NDUFA10: variants seen among roughly 807,000 people sequenced by gnomAD.
The protein encoded by NDUFA10 is NADH dehydrogenase [ubiquinone] 1 alpha subcomplex subunit 10, mitochondrial.
A neutral mutation model predicts 47.8 loss-of-function variants in NDUFA10; 40 were observed. That is an observed-to-expected ratio of 0.84 (90% CI 0.65 to 1.09). The LOEUF is 1.09. NDUFA10 is among the 50% of genes least tolerant of loss of function. The pLI is 0.00. For missense variants in NDUFA10, 413 were observed against 451.1 expected, an observed-to-expected ratio of 0.92 and a Z score of 0.76; for synonymous variants, 183 against 172.2, an observed-to-expected ratio of 1.06 and a Z score of -0.49.
Position 239,928,460 on chromosome 2 carries a change from G to C in NDUFA10, c.295-33146C>G, listed in dbSNP as rs971228053. Reference sequence around the variant, plus strand: ...TTGTGATTATTATTCTGTGAAGTCAGTTCCTCATGGCAGGAAATCCCCCGA... The same window carrying C: ...TTGTGATTATTATTCTGTGAAGTCACTTCCTCATGGCAGGAAATCCCCCGA... On this transcript the variant is annotated intron_variant, in intron 4 of 5. Transcript: ENST00000419408. This position sits in a 1 kb window ranked among gnomAD's most constrained non-coding sequence, Gnocchi z 4.3. Among the ~76,000 whole-genome samples, 32 of 152,290 alleles carry C rather than the reference G, an allele frequency of 2.1e-4. No homozygotes were observed. Among genetic ancestry groups the C allele is most frequent in the African/African-American group, 6.0e-4 (25 of 41,564 alleles).
intron 4 of NDUFA10, among the ~76,000 whole-genome samples, chr2:239,914,116 G>C (rs1339401647): frequency 1.3e-5 from 2 of 152,010 alleles, no homozygotes; most frequent in Non-Finnish European, 2.9e-5. Context: ...AACACACACA[G>C]ACACACACAA....
intron 5 of NDUFA10, chr2:240,014,491 G>A (rs1038474073): frequency 8.0e-5 from 42 of 526,854 alleles, no homozygotes; most frequent in Admixed American, 3.2e-4. Flanking sequence ...CAGCTGAGGG[G>A]ACTCGGGGAC....
At chr2:239,898,398 G>A (rs1213474497) in intron 4 of NDUFA10, among the ~76,000 whole-genome samples, 1 of 152,226 alleles carries the variant, frequency 6.6e-6, no homozygotes, top group Non-Finnish European at 1.5e-5. Flanking sequence ...GAGTCAGGAA[G>A]GTGGCCCCGA....
downstream of NDUFA10, chr2:239,957,276 C>G (rs1694679467): frequency 6.6e-6 from 1 of 152,260 alleles, no homozygotes. Context: ...TCAACGTTCA[C>G]TGTAAGAAAA....
intron 4 of NDUFA10, among the ~76,000 whole-genome samples, chr2:239,948,816 C>A (rs1218502664): frequency 6.6e-6 from 1 of 152,226 alleles, no homozygotes; most frequent in Admixed American, 6.5e-5. Context: ...CTTCACCAAG[C>A]CTCGAGCCAT....
At chr2:240,004,202 C>G (rs1275389796) in intron 8 of NDUFA10, among the ~76,000 whole-genome samples, 1 of 152,112 alleles carries the variant, frequency 6.6e-6, no homozygotes, top group Non-Finnish European at 1.5e-5. Flanking sequence ...AGCGGTGCTG[C>G]TTCCAGGGCC....
chr2:240,021,105 A>G lies in NDUFA10; in HGVS notation c.460+92T>C, dbSNP rs1697599640. On this transcript the variant is annotated intron_variant, in intron 3 of 9. Coordinates refer to ENST00000252711, the MANE Select transcript of NDUFA10 (RefSeq NM_004544.4). Reference sequence around the variant, plus strand: ...AACTCACCTCATCAAACACCCTTAAAGGAAAGCTCGACTCAGTGGCAATTT... The same window carrying G: ...AACTCACCTCATCAAACACCCTTAAGGGAAAGCTCGACTCAGTGGCAATTT... 3 of 1,072,946 alleles carry G rather than the reference A, an allele frequency of 2.8e-6. No homozygotes were observed. The African/African-American group carries it at 4.7e-5, about 17-fold the overall frequency. The allele number at this position is 1,072,946 out of a possible 1,614,324, so 66.5% of individuals were successfully genotyped here.
At chr2:239,934,984 C>A (rs1413340040) in intron 4 of NDUFA10, among the ~76,000 whole-genome samples, 1 of 152,196 alleles carries the variant, frequency 6.6e-6, no homozygotes, top group African/African-American at 2.4e-5. Context: ...CTTTGCCTTA[C>A]CCACAGCCTC....
At chr2:240,003,194 T>C (rs1348188862) in intron 8 of NDUFA10, among the ~76,000 whole-genome samples, 4 of 152,150 alleles carry the variant, frequency 2.6e-5, no homozygotes, top group Non-Finnish European at 5.9e-5. Context: ...TCAGTGAACT[T>C]TTAGTGACAT....
intron 1 of NDUFA10, among the ~76,000 whole-genome samples, chr2:240,023,432 G>A (rs2106507039): frequency 6.6e-6 from 1 of 152,312 alleles, no homozygotes; most frequent in Admixed American, 6.5e-5. Context: ...TACAGAGTTA[G>A]GACAAGACAA....
At chr2:240,010,154 A>G (rs1282922702) in intron 6 of NDUFA10, among the ~76,000 whole-genome samples, 1 of 152,206 alleles carries the variant, frequency 6.6e-6, no homozygotes, top group African/African-American at 2.4e-5. Context: ...CTCATTCTTC[A>G]ATGTGTGACA....
At chr2:239,932,740 C>T (rs538159786) in intron 4 of NDUFA10, among the ~76,000 whole-genome samples, 37 of 152,168 alleles carry the variant, frequency 2.4e-4, no homozygotes, top group African/African-American at 4.1e-4. Flanking sequence ...CCACCATACC[C>T]GGCTAATTTT....
intron 4 of NDUFA10, among the ~76,000 whole-genome samples, chr2:239,907,443 C>T (rs1693675170): frequency 2.0e-5 from 3 of 152,160 alleles, no homozygotes; most frequent in Admixed American, 1.3e-4. Flanking sequence ...AAGAAACTAC[C>T]ATCAGAGTGA....
At chr2:239,897,938 G>C (rs998098442) in intron 4 of NDUFA10, among the ~76,000 whole-genome samples, 7 of 152,162 alleles carry the variant, frequency 4.6e-5, no homozygotes, top group Non-Finnish European at 7.4e-5. Flanking sequence ...TTCCCTTCTG[G>C]GATCCCTCTT....
intron 9 of NDUFA10, among the ~76,000 whole-genome samples, chr2:239,972,945 TCTTACCA>T (rs1349433567): frequency 1.3e-5 from 2 of 152,152 alleles, no homozygotes; most frequent in Non-Finnish European, 2.9e-5. Context: ...TAAGACAGTA[TCTTACCA>T]CTTTCCATCA....
At chr2:239,907,001 T>G (rs1323477039) in intron 4 of NDUFA10, among the ~76,000 whole-genome samples, 2 of 152,114 alleles carry the variant, frequency 1.3e-5, no homozygotes, top group Non-Finnish European at 2.9e-5. Flanking sequence ...CTACCTGACT[T>G]CAAACTATAC....
intron 4 of NDUFA10, among the ~76,000 whole-genome samples, chr2:239,950,212 G>C (rs1559307047): frequency 6.6e-6 from 1 of 152,112 alleles, no homozygotes; most frequent in African/African-American, 2.4e-5. Context: ...AGCAGTACAG[G>C]CTGGCCCTGT....
chr2:239,977,183 T>C (rs1194969107), intron 9 of NDUFA10, among the ~76,000 whole-genome samples: 28 of 152,134 alleles, frequency 1.8e-4, no homozygotes, highest in Admixed American at 9.8e-4. Context: ...CTGGACCTTC[T>C]TCCTAACAGT....
At chr2:239,976,577 GC>G (rs1695531600) in intron 9 of NDUFA10, 1 of 152,312 alleles carries the variant, frequency 6.6e-6, no homozygotes, top group Admixed American at 6.5e-5. Flanking sequence ...ACGTGTCTCT[GC>G]CGAGTCTCCA....
Sources: allele counts gnomAD v4.1 joint callset (sites outside exome capture counted in the v4.1 genomes callset), GRCh38; gene constraint gnomAD v4.1.1; non-coding constraint Gnocchi (gnomAD v3.1); transcripts MANE v1.5; gene names NCBI Gene and HGNC (gene_info 2026-07-23, HGNC 2026-07-21).